The following SMAD3 variants were observed in gnomAD, a reference collection of about 807,000 sequenced individuals.
SMAD3 encodes the protein SMAD family member 3.
A neutral mutation model predicts 51.8 loss-of-function variants in SMAD3; 12 were observed. The observed-to-expected ratio is 0.23, with a 90% CI of 0.15 to 0.38. The LOEUF (loss-of-function observed/expected upper bound fraction) is 0.38, where lower values mean the gene tolerates loss of function less well. Ranked by LOEUF, SMAD3 falls within the 10% of genes least tolerant of loss-of-function variation. The pLI, the probability that SMAD3 is intolerant of heterozygous loss-of-function variation, is 1.00. For synonymous variants in SMAD3, 238 were observed against 227.7 expected, an observed-to-expected ratio of 1.05 and a Z score of -0.41; for missense variants, 294 against 565.6, an observed-to-expected ratio of 0.52 and a Z score of 4.87.
intron 1 of SMAD3, among the ~76,000 whole-genome samples, chr15:67,125,322 T>G (rs1394769686): frequency 6.6e-6 from 1 of 152,240 alleles, no homozygotes; most frequent in Non-Finnish European, 1.5e-5. Context: ...ACGGAGAGCC[T>G]CTTTGAAGCG....
chr15:67,184,658 CTCAGGTG>C, intron 6 of SMAD3, 62 bp from the exon 7 acceptor site: 1 of 1,589,672 alleles, frequency 6.3e-7, no homozygotes. Context: ...CTTTGCGAGC[CTCAGGTG>C]GCCCCAGGGC....
At chr15:67,188,612 C>T (rs1250546923) in intron 8 of SMAD3, among the ~76,000 whole-genome samples, 2 of 152,252 alleles carry the variant, frequency 1.3e-5, no homozygotes, top group Admixed American at 1.3e-4. Context: ...GCTCCACACT[C>T]CCCCCTGCCA....
In SMAD3 at chr15:67,181,283, C is replaced by T. The variant is rs2140313919; in HGVS notation, c.701C>T (p.Ser234Phe). 6.2e-7 allele frequency: 1 copy of T among 1,613,754 alleles called. No homozygotes were observed. The highest frequency in any genetic ancestry group is 8.5e-7 in the Non-Finnish European group (1 of 1,180,012). ...TACTGCGAGCCGGCCTTCTGGTGCT[C>T]CATCTCCTACTACGAGCTGAACCAG... ...VTYCEPAFWC[S>F]ISYYELNQRV... Residue 234 changes from serine (S) to phenylalanine (F), a missense_variant, in exon 6 of 9, where the codon TCC (serine) becomes TTC (phenylalanine). Around this residue, in one of 3 missense-constraint regions of SMAD3, gnomAD observed 118 missense variants for 278.0 expected, o/e 0.42. Transcript: ENST00000327367.
intron 1 of SMAD3, among the ~76,000 whole-genome samples, chr15:67,075,297 G>A (rs1358324058): frequency 6.6e-6 from 1 of 152,120 alleles, no homozygotes; most frequent in Non-Finnish European, 1.5e-5. Context: ...CCTTATTGAA[G>A]TCAGACTCAA....
chr15:67,074,838 C>T (rs1183781042), intron 1 of SMAD3, among the ~76,000 whole-genome samples: 7 of 152,236 alleles, frequency 4.6e-5, no homozygotes, highest in African/African-American at 9.6e-5. Flanking sequence ...TACAGGCGCC[C>T]GCCACCATGC....
chr15:67,113,014 A>AT lies in SMAD3; in HGVS notation c.206+46655dup, dbSNP rs1961050919. On this transcript the variant is annotated intron_variant, in intron 1 of 8. Coordinates refer to ENST00000327367, the MANE Select transcript of SMAD3 (RefSeq NM_005902.4). ...TTTATTGATCCATACATCTATCCTC[A>AT]TGACAGTCTTGACTACTATAGCTTT... Among the ~76,000 whole-genome samples, 2 of 124,650 alleles carry AT rather than the reference A, an allele frequency of 1.6e-5. 1 individual carries two copies. Among genetic ancestry groups the AT allele is most frequent in the Admixed American group, 1.8e-4 (2 of 10,946 alleles). 81.8% of individuals were successfully genotyped at this position (124,650 alleles called of 152,430 possible).
At chr15:67,126,690 G>A (rs1026773441) in intron 1 of SMAD3, among the ~76,000 whole-genome samples, 5 of 152,200 alleles carry the variant, frequency 3.3e-5, no homozygotes, top group South Asian at 2.1e-4. Context: ...GGCCCTGGAC[G>A]GTGGTTGGCA....
At chr15:67,168,776 C>A (rs1228554653) in intron 4 of SMAD3, among the ~76,000 whole-genome samples, 1 of 152,152 alleles carries the variant, frequency 6.6e-6, no homozygotes, top group East Asian at 1.9e-4. Flanking sequence ...AGAGACAGAC[C>A]AGACTTGCGG....
At chr15:67,082,983 G>C (rs971894993) in intron 1 of SMAD3, among the ~76,000 whole-genome samples, 4 of 152,232 alleles carry the variant, frequency 2.6e-5, no homozygotes, top group Admixed American at 1.3e-4. Flanking sequence ...TTGGCATGGG[G>C]TGGGCACTCC....
chr15:67,103,887 A>G (rs1240302856), intron 1 of SMAD3, among the ~76,000 whole-genome samples: 1 of 152,116 alleles, frequency 6.6e-6, no homozygotes, highest in East Asian at 1.9e-4. Flanking sequence ...ACTTGGATTG[A>G]TTAGAGAGGC....
At chr15:67,095,624 C>T (rs759999191) in intron 1 of SMAD3, among the ~76,000 whole-genome samples, 10 of 151,986 alleles carry the variant, frequency 6.6e-5, no homozygotes, top group African/African-American at 9.7e-5. Flanking sequence ...CCTCTGCCTG[C>T]GGGTTCAAGT....
intron 1 of SMAD3, among the ~76,000 whole-genome samples, chr15:67,081,499 C>T (rs1024186359): frequency 3.3e-5 from 5 of 152,158 alleles, no homozygotes; most frequent in African/African-American, 1.2e-4. Flanking sequence ...TATCAGGATG[C>T]TTTTGGCCAA....
chr15:67,091,822 G>A (rs1399121337), intron 1 of SMAD3, among the ~76,000 whole-genome samples: 1 of 152,142 alleles, frequency 6.6e-6, no homozygotes, highest in Non-Finnish European at 1.5e-5. Context: ...CGGGAAGGAG[G>A]AACTACATCA....
At chr15:67,183,338 C>T (rs1007060689) in intron 6 of SMAD3, among the ~76,000 whole-genome samples, 2 of 151,924 alleles carry the variant, frequency 1.3e-5, no homozygotes, top group African/African-American at 4.8e-5. Context: ...GCCACCATGC[C>T]CGGCCTATTT....
At chr15:67,093,423 G>T (rs1317672002) in intron 1 of SMAD3, among the ~76,000 whole-genome samples, 1 of 152,190 alleles carries the variant, frequency 6.6e-6, no homozygotes, top group Non-Finnish European at 1.5e-5. Flanking sequence ...GCATAATCAG[G>T]ATTTGCCAGT....
chr15:67,074,633 T>G (rs1595886012), intron 1 of SMAD3, among the ~76,000 whole-genome samples: 1 of 152,238 alleles, frequency 6.6e-6, no homozygotes, highest in East Asian at 1.9e-4. Context: ...GCTTTGCCGG[T>G]AGTTTAGGAC....
intron 1 of SMAD3, among the ~76,000 whole-genome samples, chr15:67,146,721 G>A (rs1205454308): frequency 1.3e-5 from 2 of 152,192 alleles, no homozygotes; most frequent in African/African-American, 4.8e-5. Flanking sequence ...TTCTGTTAGA[G>A]CCTGTAGCTG....
rs1963426938 is a variant in SMAD3 at position 67,193,707 on chromosome 15, T to TA, written c.*3172dup. The stretch of plus-strand genomic sequence containing the variant: ...TGTCTGTGTTGTATTTTTTTTTTTT[T>TA]ATTGACCATGGTGATTATTTTTTTA... On this transcript the variant is annotated 3_prime_UTR_variant, in exon 9 of 9. Coordinates refer to ENST00000327367, the MANE Select transcript of SMAD3 (RefSeq NM_005902.4). The TA allele has an allele frequency of 8.6e-6, 2 of 232,810 alleles. No homozygotes were observed. The highest frequency in any genetic ancestry group is 1.7e-5 in the Non-Finnish European group (2 of 117,476). The allele number at this position is 232,810 out of a possible 1,614,324, so 14.4% of individuals were successfully genotyped here. A position where few individuals can be genotyped will look rare whatever the true frequency, so the allele number is the denominator to read the frequency against.
intron 1 of SMAD3, among the ~76,000 whole-genome samples, chr15:67,097,956 A>G (rs1003920118): frequency 6.6e-6 from 1 of 152,166 alleles, no homozygotes; most frequent in African/African-American, 2.4e-5. Flanking sequence ...GAAGGTCTTC[A>G]AGGATCCTGG....
Sources: gnomAD v4.1 joint callset for allele counts (sites outside exome capture counted in the v4.1 genomes callset) on GRCh38, gnomAD v4.1.1 for gene constraint, gnomAD v4.1.1 regional missense constraint, MANE v1.5 for transcripts, NCBI Gene and HGNC (gene_info 2026-07-23, HGNC 2026-07-21) for gene names.